FRMD6: variants seen among roughly 807,000 people sequenced by gnomAD.
FRMD6 encodes the protein FERM domain containing 6.
In FRMD6, 37 loss-of-function variants were observed where a neutral mutation model predicts 73.2. The ratio of observed to expected loss-of-function variants is 0.51; its 90% CI spans 0.39 to 0.66. FRMD6 has a LOEUF of 0.66. Ranked by LOEUF, FRMD6 falls within the 30% of genes least tolerant of loss-of-function variation. The pLI is 0.00. For synonymous variants in FRMD6, 273 were observed against 282.2 expected, an observed-to-expected ratio of 0.97 and a Z score of 0.33; for missense variants, 714 against 780.5, an observed-to-expected ratio of 0.91 and a Z score of 1.02.
chr14:51,461,479 G>A, the FRMD6 span, among the ~76,000 whole-genome samples: 3 of 152,302 alleles, frequency 2.0e-5, no homozygotes, highest in East Asian at 5.8e-4. Flanking sequence ...GAACTATTCA[G>A]ACATTTGATA....
At chr14:51,582,850 T>C (rs1341048671) in intron 2 of FRMD6, among the ~76,000 whole-genome samples, 7 of 152,186 alleles carry the variant, frequency 4.6e-5, no homozygotes, top group African/African-American at 1.7e-4. Flanking sequence ...CTTTGGTACA[T>C]TAGTGAGAAG....
At chr14:51,663,927 T>A (rs1200555688) in intron 1 of FRMD6, among the ~76,000 whole-genome samples, 1 of 152,204 alleles carries the variant, frequency 6.6e-6, no homozygotes, top group Non-Finnish European at 1.5e-5. Flanking sequence ...TTGTGATAAC[T>A]ACGTTAATCC....
rs1176310323 is a variant in FRMD6 at position 51,560,350 on chromosome 14, G to C, written c.-209-9998G>C. Among the ~76,000 whole-genome samples the C allele has an allele frequency of 2.0e-5, 3 of 152,162 alleles. No individual in the cohort carries two copies. In the East Asian group the frequency reaches 5.8e-4, roughly 29 times the overall value. ...TATGTACCAAATTACACCCTGAATG[G>C]AGTAGTAATAGTAATATTCATGTAG... On this transcript the variant is annotated intron_variant, in intron 1 of 14. Transcript: ENST00000356218.
rs534338319 is a variant in FRMD6 at position 51,635,984 on chromosome 14, G to A, written c.-146-53707G>A. ...CACATTTGCAGCATGAGTGAGTTAT[G>A]CAGTGGACAGGTCTATACAAACCTA... On this transcript the variant is annotated intron_variant, in intron 2 of 14. Transcript: ENST00000356218. Among the ~76,000 whole-genome samples the A allele has an allele frequency of 2.6e-5, 4 of 152,330 alleles. No homozygotes were observed. In the South Asian group the frequency reaches 8.3e-4, roughly 32 times the overall value.
At chr14:51,560,142 A>G (rs945791679) in intron 1 of FRMD6, among the ~76,000 whole-genome samples, 1 of 152,208 alleles carries the variant, frequency 6.6e-6, no homozygotes, top group Admixed American at 6.5e-5. Context: ...ATAAATCCAT[A>G]TTGATCTATA....
At chr14:51,403,428 T>A in the FRMD6 span, among the ~76,000 whole-genome samples, 1 of 151,554 alleles carries the variant, frequency 6.6e-6, no homozygotes, top group Non-Finnish European at 1.5e-5. Flanking sequence ...TGAGACAGGG[T>A]CTCACTCTTT....
intron 13 of FRMD6, among the ~76,000 whole-genome samples, chr14:51,726,558 G>A (rs1350623274): frequency 6.7e-6 from 1 of 149,600 alleles, no homozygotes; most frequent in Non-Finnish European, 1.5e-5. Context: ...TTTCTCATTT[G>A]TCTTTTCTTT....
intron 1 of FRMD6, chr14:51,546,570 TC>T (rs1886479256): frequency 9.3e-6 from 1 of 107,608 alleles, no homozygotes; most frequent in Non-Finnish European, 1.9e-5. Context: ...GGTAATTTGT[TC>T]CCCCTCCCCA....
the FRMD6 span, among the ~76,000 whole-genome samples, chr14:51,420,548 C>T: frequency 6.6e-6 from 1 of 152,182 alleles, no homozygotes; most frequent in Non-Finnish European, 1.5e-5. Flanking sequence ...GTGAGTTCCT[C>T]ATCCATGGAT....
intron 2 of FRMD6, among the ~76,000 whole-genome samples, chr14:51,578,058 GC>G: frequency 6.6e-6 from 1 of 152,238 alleles, no homozygotes; most frequent in Non-Finnish European, 1.5e-5. Flanking sequence ...ATAAGCAGAA[GC>G]CATCGTTGCT....
intron 2 of FRMD6, among the ~76,000 whole-genome samples, chr14:51,696,049 G>A (rs1895925204): frequency 1.3e-5 from 2 of 151,862 alleles, no homozygotes; most frequent in Non-Finnish European, 2.9e-5. Context: ...AAAGCAGATA[G>A]TACTAATAAA....
upstream of FRMD6, among the ~76,000 whole-genome samples, chr14:51,486,936 G>T (rs1882773200): frequency 6.8e-6 from 1 of 146,340 alleles, no homozygotes. Flanking sequence ...GTATAAAACC[G>T]TTTTTTTTTT....
chr14:51,722,026 T>C lies in FRMD6; in HGVS notation c.1438T>C (p.Cys480Arg). The C allele has an allele frequency of 6.2e-7, 1 of 1,614,074 alleles. No individual in the cohort carries two copies. The highest frequency in any genetic ancestry group is 8.5e-7 in the Non-Finnish European group (1 of 1,179,934). Reference protein sequence around the residue: ...EESLEVSPDMCIYITEDMLMS... With the variant: ...EESLEVSPDMRIYITEDMLMS... ...GTCTCTGGAAGTCAGCCCAGACATG[T>C]GCATCTACATCACAGAGGACATGCT... Residue 480 changes from cysteine (C) to arginine (R), a missense_variant, in exon 12 of 14, where the codon TGC becomes CGC. Cys to Arg is a radical substitution (Grantham distance 180). Coordinates refer to ENST00000344768, the MANE Select transcript of FRMD6 (RefSeq NM_001267046.2).
At chr14:51,615,446 T>C (rs761873164) in intron 2 of FRMD6, among the ~76,000 whole-genome samples, 1 of 152,148 alleles carries the variant, frequency 6.6e-6, no homozygotes, top group Non-Finnish European at 1.5e-5. Context: ...TGTGGCATAA[T>C]ATAAAACCCC....
the FRMD6 span, among the ~76,000 whole-genome samples, chr14:51,467,280 G>A: frequency 6.6e-6 from 1 of 152,194 alleles, no homozygotes; most frequent in Non-Finnish European, 1.5e-5. Context: ...GCACGGGGTT[G>A]GGGGCAAGGC....
chr14:51,469,618 GAAAAAAAAAAAA>G, the FRMD6 span, among the ~76,000 whole-genome samples: 8 of 96,768 alleles, frequency 8.3e-5, 2 homozygotes, highest in African/African-American at 3.0e-4. Context: ...ATTTCAAAAA[GAAAAAAAAAAAA>G]AAAAAAAAAG....
At chr14:51,401,643 T>C in the FRMD6 span, among the ~76,000 whole-genome samples, 1 of 152,204 alleles carries the variant, frequency 6.6e-6, no homozygotes, top group Non-Finnish European at 1.5e-5. Flanking sequence ...TTTCCATTGT[T>C]TGGAACTTCC....
intron 2 of FRMD6, among the ~76,000 whole-genome samples, chr14:51,631,754 T>A (rs1233820522): frequency 6.6e-6 from 1 of 152,234 alleles, no homozygotes. Flanking sequence ...ACTCAGCTCG[T>A]ATCATGTATT....
At chr14:51,680,917 A>T (rs1894751731) in intron 1 of FRMD6, among the ~76,000 whole-genome samples, 1 of 152,200 alleles carries the variant, frequency 6.6e-6, no homozygotes, top group African/African-American at 2.4e-5. Context: ...CATTCGCTGC[A>T]AGTGGGATTA....
Sources: allele counts gnomAD v4.1 joint callset (sites outside exome capture counted in the v4.1 genomes callset), GRCh38; gene constraint gnomAD v4.1.1; transcripts MANE v1.5; gene names NCBI Gene and HGNC (gene_info 2026-07-23, HGNC 2026-07-21).